The following SLC1A6 variants were observed in gnomAD, a reference collection of about 807,000 sequenced individuals.
SLC1A6 encodes solute carrier family 1 member 6.
SLC1A6 carries 15 observed loss-of-function variants against 42.1 expected under a neutral mutation model. That is an observed-to-expected ratio of 0.36 (90% confidence interval 0.24 to 0.55). The LOEUF is 0.55. Ranked by LOEUF, SLC1A6 falls within the 20% of genes least tolerant of loss-of-function variation. SLC1A6 has a pLI of 0.88. For synonymous variants in SLC1A6, 317 were observed against 319.7 expected (o/e 0.99, Z 0.09); for missense variants, 542 against 772.5 (o/e 0.70, Z 3.54).
chr19:15,000,572 C>T (rs1222441860), intron 1 of SLC1A6, among the ~76,000 whole-genome samples: 1 of 152,178 alleles, frequency 6.6e-6, no homozygotes, highest in Non-Finnish European at 1.5e-5. Context: ...AAATAGTATT[C>T]TATTGTGTAT....
At chr19:14,983,719 CAAAA>C (rs56657572), upstream of SLC1A6, among the ~76,000 whole-genome samples, 4 of 52,296 alleles carry the variant, frequency 7.6e-5, no homozygotes, top group East Asian at 1.2e-3. Flanking sequence ...ACAACAACAC[CAAAA>C]AAAAAAAAAA....
chr19:14,998,449 G>C (rs2045857064), intron 1 of SLC1A6, among the ~76,000 whole-genome samples: 1 of 152,122 alleles, frequency 6.6e-6, no homozygotes, highest in African/African-American at 2.4e-5. Context: ...GCTGAGGCAG[G>C]AGAATCACTT....
intron 6 of SLC1A6, among the ~76,000 whole-genome samples, chr19:14,958,263 TAGTC>T (rs989013740): frequency 1.2e-4 from 18 of 151,616 alleles, no homozygotes; most frequent in African/African-American, 4.4e-4. Flanking sequence ...ATAAAAAAAT[TAGTC>T]AGGTGTGGTA....
chr19:14,978,895 C>T (rs948824475), intron 1 of SLC1A6, among the ~76,000 whole-genome samples: 4 of 151,894 alleles, frequency 2.6e-5, no homozygotes, highest in African/African-American at 9.7e-5. Flanking sequence ...CCATACAATT[C>T]CTACCTACAC....
At position 14,972,691 on chromosome 19, in the gene SLC1A6, A is replaced by G; in HGVS notation, c.205+15T>C. On this transcript the variant is annotated intron_variant, in intron 2 of 9. Coordinates refer to ENST00000594383, the MANE Select transcript of SLC1A6 (RefSeq NM_005071.3). ...CTTTCCCTGAAGTCCCCGCCCTCCA[A>G]GAGGCAGAGCTCACCAATGACCACG... is the stretch of plus-strand genomic sequence containing the variant. 1.9e-6 allele frequency: 3 copies of G among 1,610,860 alleles called. No homozygotes were observed. Among genetic ancestry groups the G allele is most frequent in the Non-Finnish European group, 2.5e-6 (3 of 1,177,532 alleles).
rs1555708547 is a variant in SLC1A6, at chr19:14,979,050, T to TCACTCACACA, written c.-8+258_-8+259insTGTGTGAGTG. Among the ~76,000 whole-genome samples, 66 of 131,404 alleles carry TCACTCACACA rather than the reference T, an allele frequency of 5.0e-4. 1 individual carries two copies. The highest frequency in any genetic ancestry group is 9.0e-4 in the Non-Finnish European group (56 of 61,940). 86.2% of individuals were successfully genotyped at this position (131,404 alleles called of 152,430 possible). On this transcript the variant is annotated intron_variant, in intron 1 of 9. Transcript: ENST00000594383. This position sits in a 1 kb window ranked among gnomAD's most constrained non-coding sequence, Gnocchi z 4.2. ...CAAATTCAGTCTCTCTCTCTCTCTG[T>TCACTCACACA]CACACACACACACACACACACACAC...
At chr19:14,990,807 A>G (rs1259406107) in intron 1 of SLC1A6, among the ~76,000 whole-genome samples, 2 of 151,836 alleles carry the variant, frequency 1.3e-5, no homozygotes, top group Non-Finnish European at 2.9e-5. Context: ...AAAAACGAAT[A>G]ATTTCAAGAG....
At chr19:14,993,814 G>A (rs1401660929) in intron 1 of SLC1A6, among the ~76,000 whole-genome samples, 1 of 152,114 alleles carries the variant, frequency 6.6e-6, no homozygotes, top group Middle Eastern at 3.2e-3. Flanking sequence ...AGACAGGATG[G>A]TTGGGTGCAG....
In SLC1A6 at chr19:14,950,382, A is replaced by G; in HGVS notation, c.1508T>C (p.Leu503Pro). The G allele has an allele frequency of 6.3e-7, 1 of 1,580,406 alleles. No individual in the cohort carries two copies. The highest frequency in any genetic ancestry group is 8.6e-7 in the Non-Finnish European group (1 of 1,157,424). The change falls in exon 10 of 10, where the codon CTT (leucine) becomes CCT (proline). Residue 503 changes from leucine (L) to proline (P), a missense_variant. Coordinates refer to ENST00000594383, the MANE Select transcript of SLC1A6 (RefSeq NM_005071.3). ...CCCCAGTACGTTGGTCATTGTGCGA[A>G]GCCGGTCACTGGTACAGGGGAGAAA... ...IIAVDWFLDR[L>P]RTMTNVLGDS...
At chr19:15,007,334 G>A (rs973614237) in intron 1 of SLC1A6, among the ~76,000 whole-genome samples, 1 of 152,182 alleles carries the variant, frequency 6.6e-6, no homozygotes, top group African/African-American at 2.4e-5. Context: ...GTCCAGAACA[G>A]GCAAATCTAC....
chr19:14,969,968 C>T (rs1236779690), intron 3 of SLC1A6, among the ~76,000 whole-genome samples: 1 of 148,802 alleles, frequency 6.7e-6, no homozygotes, highest in Non-Finnish European at 1.5e-5. Context: ...GACAGCAAGA[C>T]AAGCCCTCCT....
chr19:15,002,091 T>C (rs936009768), intron 1 of SLC1A6, among the ~76,000 whole-genome samples: 2 of 151,906 alleles, frequency 1.3e-5, no homozygotes. Context: ...TATTTTATTA[T>C]TGTTTTATTT....
chr19:14,951,169 T>C (rs1206803529), intron 9 of SLC1A6, among the ~76,000 whole-genome samples: 2 of 143,944 alleles, frequency 1.4e-5, no homozygotes, highest in African/African-American at 5.2e-5. Context: ...GGAGAATCAC[T>C]TGAACCTGGG....
intron 1 of SLC1A6, among the ~76,000 whole-genome samples, chr19:14,986,213 A>G (rs985796775): frequency 6.6e-6 from 1 of 151,864 alleles, no homozygotes; most frequent in Non-Finnish European, 1.5e-5. Flanking sequence ...ACATATACTC[A>G]AGAGTCAAGA....
At chr19:14,975,871 A>G (rs1160618459) in intron 1 of SLC1A6, among the ~76,000 whole-genome samples, 65 of 40,204 alleles carry the variant, frequency 1.6e-3, no homozygotes, top group Middle Eastern at 0.018. Context: ...GAAGGGAAGG[A>G]AAGGGAAGGG....
chr19:14,971,023 G>A (rs1017173149), intron 3 of SLC1A6, among the ~76,000 whole-genome samples: 10 of 152,026 alleles, frequency 6.6e-5, no homozygotes, highest in Non-Finnish European at 7.4e-5. Flanking sequence ...CCAGCTACTC[G>A]GGAGGCTGAA....
intron 1 of SLC1A6, among the ~76,000 whole-genome samples, chr19:15,001,941 G>A (rs563168856): frequency 6.6e-6 from 1 of 151,940 alleles, no homozygotes; most frequent in South Asian, 2.1e-4. Context: ...GATTACAGTA[G>A]TGAGCCACCA....
At chr19:14,994,239 G>A (rs12461498) in intron 1 of SLC1A6, among the ~76,000 whole-genome samples, 31,764 of 151,794 alleles carry the variant, frequency 0.21, 3,830 homozygotes, top group East Asian at 0.47. Flanking sequence ...AGCCCTTACA[G>A]GAGGCAAGAG....
At chr19:14,952,774 T>C (rs536460117) in intron 9 of SLC1A6, among the ~76,000 whole-genome samples, 154 bp downstream of exon 9, 9 of 152,084 alleles carry the variant, frequency 5.9e-5, no homozygotes, top group African/African-American at 2.2e-4. Context: ...CCAGAGGCCA[T>C]GGATTGGAGG....
Sources: allele counts gnomAD v4.1 joint callset (sites outside exome capture counted in the v4.1 genomes callset), GRCh38; gene constraint gnomAD v4.1.1; non-coding constraint Gnocchi (gnomAD v3.1); transcripts MANE v1.5; gene names NCBI Gene and HGNC (gene_info 2026-07-23, HGNC 2026-07-21).